IL1RAP: variants seen among roughly 807,000 people sequenced by gnomAD.
IL1RAP encodes interleukin-1 receptor accessory protein.
In IL1RAP, 35 loss-of-function variants were observed where a neutral mutation model predicts 60.7. The observed-to-expected ratio is 0.58, with a 90% CI of 0.44 to 0.76. IL1RAP has a LOEUF of 0.76. Among genes scored for constraint, IL1RAP ranks in the 30% least tolerant of loss-of-function variants. IL1RAP has a pLI of 0.00. For missense variants in IL1RAP, 572 were observed against 693.9 expected, an observed-to-expected ratio of 0.82 and a Z score of 1.97; for synonymous variants, 268 against 250.9, an observed-to-expected ratio of 1.07 and a Z score of -0.64.
chr3:190,540,819 A>T (rs1205545176), intron 1 of IL1RAP, among the ~76,000 whole-genome samples: 1 of 152,138 alleles, frequency 6.6e-6, no homozygotes, highest in Non-Finnish European at 1.5e-5. Flanking sequence ...TGTACATCAC[A>T]GGTAATCCAC....
chr3:190,539,032 G>A (rs751150342), intron 1 of IL1RAP, among the ~76,000 whole-genome samples: 54 of 152,212 alleles, frequency 3.5e-4, no homozygotes, highest in South Asian at 6.2e-4. Flanking sequence ...TGTTAGCAGT[G>A]TAAGAATAGA....
intron 9 of IL1RAP, chr3:190,630,352 G>A (rs1263145854): frequency 8.0e-6 from 2 of 248,912 alleles, no homozygotes; most frequent in Non-Finnish European, 6.4e-6. Context: ...ATCCCTTCAA[G>A]GATGTTTTCA....
chr3:190,593,492 C>T (rs1729117996), intron 3 of IL1RAP, among the ~76,000 whole-genome samples: 1 of 152,300 alleles, frequency 6.6e-6, no homozygotes, highest in East Asian at 1.9e-4. Flanking sequence ...AAAGACATAA[C>T]TGAGACTGGG....
rs531708968 is a variant in IL1RAP, at chr3:190,591,976, A to G, written c.65-12152A>G. On this transcript the variant is annotated intron_variant, in intron 3 of 11. Transcript: ENST00000447382. ...ACAGTAATTTTTTTTAAAGAAAACC[A>G]TGAACCATGGTACAGAAGAAGCATA... is the stretch of plus-strand genomic sequence containing the variant. Among the ~76,000 whole-genome samples the G allele has an allele frequency of 2.0e-5, 3 of 152,260 alleles. No individual in the cohort carries two copies. The East Asian group carries it at 5.8e-4, about 29-fold the overall frequency.
chr3:190,605,100 T>C (rs1200692204), intron 4 of IL1RAP, among the ~76,000 whole-genome samples: 1 of 152,144 alleles, frequency 6.6e-6, no homozygotes, highest in Non-Finnish European at 1.5e-5. Context: ...AAATATTATT[T>C]TGGGAGGCAT....
chr3:190,651,529 T>C (rs548072581), downstream of IL1RAP: 1 of 331,220 alleles, frequency 3.0e-6, no homozygotes, highest in African/African-American at 2.2e-5. Context: ...ATTTTGTGCA[T>C]GTGTTTTATG....
chr3:190,517,405 T>A (rs1052014659), intron 1 of IL1RAP, among the ~76,000 whole-genome samples: 2 of 152,128 alleles, frequency 1.3e-5, no homozygotes, highest in Non-Finnish European at 2.9e-5. Flanking sequence ...GACAATTTTG[T>A]GGGTACTGAG....
At chr3:190,562,694 CCACACACA>C (rs56393536) in intron 2 of IL1RAP, among the ~76,000 whole-genome samples, 26,638 of 146,500 alleles carry the variant, frequency 0.18, 2,523 homozygotes, top group Middle Eastern at 0.24. Flanking sequence ...CATATCTCGT[CCACACACA>C]CACACACACA....
At chr3:190,613,805 C>T (rs1231215888) in intron 5 of IL1RAP, among the ~76,000 whole-genome samples, 1 of 151,736 alleles carries the variant, frequency 6.6e-6, no homozygotes, top group Non-Finnish European at 1.5e-5. Context: ...TGCACTCCAG[C>T]CTGGGCAATG....
chr3:190,654,235 G>A (rs1734531212), downstream of IL1RAP, among the ~76,000 whole-genome samples: 2 of 70,214 alleles, frequency 2.8e-5, no homozygotes, highest in African/African-American at 5.7e-5. Context: ...CACACAATTT[G>A]CATGAGTTCT....
intron 1 of IL1RAP, chr3:190,550,298 T>A (rs2108587250): frequency 6.6e-6 from 1 of 152,324 alleles, no homozygotes; most frequent in Admixed American, 6.5e-5. Flanking sequence ...TTAACCTCTG[T>A]TATCATGGCC....
At chr3:190,624,199 AC>A (rs1214018078) in intron 7 of IL1RAP, among the ~76,000 whole-genome samples, 1 of 152,260 alleles carries the variant, frequency 6.6e-6, no homozygotes, top group Non-Finnish European at 1.5e-5. Context: ...CCATAGCCAT[AC>A]CCAGAAAGCA....
chr3:190,562,584 G>T (rs1367200870), intron 2 of IL1RAP, among the ~76,000 whole-genome samples: 1 of 152,024 alleles, frequency 6.6e-6, no homozygotes, highest in Non-Finnish European at 1.5e-5. Flanking sequence ...CTTCGTAGCT[G>T]TATCATAGCA....
At position 190,620,263 on chromosome 3, in the gene IL1RAP, T is replaced by TC; in HGVS notation, c.538-12_538-11insC. The TC allele has an allele frequency of 6.7e-7, 1 of 1,482,264 alleles. No individual in the cohort carries two copies. The highest frequency in any genetic ancestry group is 9.1e-7 in the Non-Finnish European group (1 of 1,094,488). 91.8% of individuals were successfully genotyped at this position (1,482,264 alleles called of 1,614,324 possible). ...CTAAAAAGTAAACTTTTTTTTTTTT[T>TC]ACTTTTTCTAGGGCTGTTATAAAAT... On this transcript the variant is annotated splice_polypyrimidine_tract_variant and intron_variant, in intron 5 of 11. Transcript: ENST00000447382.
chr3:190,600,559 C>A (rs1443996837), intron 3 of IL1RAP, among the ~76,000 whole-genome samples: 1 of 152,180 alleles, frequency 6.6e-6, no homozygotes, highest in Non-Finnish European at 1.5e-5. Context: ...AAGTACCCAA[C>A]CTAAGGGAGC....
intron 7 of IL1RAP, among the ~76,000 whole-genome samples, chr3:190,624,009 A>G (rs1732013307): frequency 6.6e-6 from 1 of 152,246 alleles, no homozygotes; most frequent in African/African-American, 2.4e-5. Flanking sequence ...AGGAAACTAT[A>G]GAAAATTTTA....
At chr3:190,562,693 TCCACACAC>T (rs758291585) in intron 2 of IL1RAP, among the ~76,000 whole-genome samples, 2 of 68,016 alleles carry the variant, frequency 2.9e-5, no homozygotes, top group African/African-American at 1.3e-4. Flanking sequence ...ACATATCTCG[TCCACACAC>T]ACACACACAC....
chr3:190,630,491 A>C (rs1732692262), intron 9 of IL1RAP, among the ~76,000 whole-genome samples: 1 of 152,218 alleles, frequency 6.6e-6, no homozygotes, highest in African/African-American at 2.4e-5. Context: ...ATAGCACATA[A>C]TTGTTACATT....
At chr3:190,541,345 T>G (rs1465732743) in intron 1 of IL1RAP, among the ~76,000 whole-genome samples, 3 of 152,176 alleles carry the variant, frequency 2.0e-5, no homozygotes, top group Non-Finnish European at 4.4e-5. Flanking sequence ...TAATTGCAAG[T>G]TGGCCAAAGT....
Sources: gnomAD v4.1 joint callset for allele counts (sites outside exome capture counted in the v4.1 genomes callset) on GRCh38, gnomAD v4.1.1 for gene constraint, MANE v1.5 for transcripts, NCBI Gene and HGNC (gene_info 2026-07-23, HGNC 2026-07-21) for gene names.